Variants in BSPH1 observed in about 807,000 individuals in gnomAD.
BSPH1 encodes the protein binder of sperm protein homolog 1.
In BSPH1, 21 loss-of-function variants were observed where a neutral mutation model predicts 22.5. The ratio of observed to expected loss-of-function variants is 0.93; its 90% CI spans 0.66 to 1.35. The LOEUF is 1.35. Ranked by LOEUF, BSPH1 falls within the 40% of genes most tolerant of loss-of-function variation. The probability of loss-of-function intolerance (pLI) is 0.00; values close to 1 mark genes in which losing one functional copy is unlikely to be tolerated. For missense variants in BSPH1, 141 were observed against 154.2 expected, an observed-to-expected ratio of 0.91 and a Z score of 0.45; for synonymous variants, 42 against 53.6, an observed-to-expected ratio of 0.78 and a Z score of 0.95.
At chr19:47,970,014 TGTGAGAGA>T (rs1969297971) in intron 5 of BSPH1, among the ~76,000 whole-genome samples, 1 of 150,156 alleles carries the variant, frequency 6.7e-6, no homozygotes, top group Non-Finnish European at 1.5e-5. Context: ...TTTGTGTGTG[TGTGAGAGA>T]GAGAGAGAGA....
At position 47,969,003 on chromosome 19, in the gene BSPH1, T is replaced by TAAA. The variant is rs34349485; in HGVS notation, c.*3-797_*3-795dup. ...GACAGAGCGAGACCCTATCTCAGAT[T>TAAA]AAAAAAAAAAAAAAAAAAAGAAATC... is the stretch of plus-strand genomic sequence containing the variant. On this transcript the variant is annotated intron_variant, in intron 5 of 5. Coordinates refer to ENST00000344839, the MANE Select transcript of BSPH1 (RefSeq NM_001128326.2). Among the ~76,000 whole-genome samples, 269 of 127,716 alleles carry TAAA rather than the reference T, an allele frequency of 2.1e-3. 2 individuals are homozygous for TAAA. The highest frequency in any genetic ancestry group is 7.2e-3 in the African/African-American group (241 of 33,450). The allele number at this position is 127,716 out of a possible 152,430, so 83.8% of individuals were successfully genotyped here.
rs1600086904 is a variant in BSPH1 at position 47,977,307 on chromosome 19, T to G, written c.256+66A>C. ...CTATTTTCAGAACCCTCTTGTGTTT[T>G]GCCTCAGATCCCAGCCTCAGAGACC... On this transcript the variant is annotated intron_variant, in intron 4 of 5. Transcript: ENST00000344839. 7 of 1,250,204 alleles carry G rather than the reference T, an allele frequency of 5.6e-6. No individual in the cohort carries two copies. In the East Asian group the frequency reaches 7.7e-5, roughly 14 times the overall value. 77.4% of individuals were successfully genotyped at this position (1,250,204 alleles called of 1,614,324 possible).
At chr19:47,989,110 T>TTTTTA (rs565512241) in intron 1 of BSPH1, among the ~76,000 whole-genome samples, 4 of 138,426 alleles carry the variant, frequency 2.9e-5, no homozygotes, top group Non-Finnish European at 6.2e-5. Context: ...AAGTCACCGT[T>TTTTTA]TTATTATTAT....
intron 1 of BSPH1, among the ~76,000 whole-genome samples, chr19:47,991,317 A>G (rs1303880876): frequency 6.6e-6 from 1 of 151,904 alleles, no homozygotes; most frequent in Non-Finnish European, 1.5e-5. Flanking sequence ...AAGATTTTAT[A>G]GCCCCTGGAA....
chr19:47,988,113 C>T (rs1008621129), intron 1 of BSPH1, among the ~76,000 whole-genome samples: 1 of 152,068 alleles, frequency 6.6e-6, no homozygotes, highest in Admixed American at 6.5e-5. Context: ...GGACATTATG[C>T]TAAGTGAACC....
chr19:47,984,321 C>T (rs1304216144), intron 1 of BSPH1, among the ~76,000 whole-genome samples: 3 of 151,122 alleles, frequency 2.0e-5, no homozygotes, highest in Non-Finnish European at 4.4e-5. Context: ...ACAAAACTGG[C>T]TTTCTTTATG....
Position 47,990,441 on chromosome 19 carries a change from A to G in BSPH1, c.73+1568T>C, listed in dbSNP as rs7258971. On this transcript the variant is annotated intron_variant, in intron 1 of 5. Coordinates refer to ENST00000344839, the MANE Select transcript of BSPH1 (RefSeq NM_001128326.2). ...AATTTGCCTTTTTCCACTTATCTAT[A>G]TTCCTTTTTATGTATCTACAAACAT... Among the ~76,000 whole-genome samples, 697 of 152,212 alleles carry G rather than the reference A, an allele frequency of 4.6e-3. 4 individuals are homozygous for G. The highest frequency in any genetic ancestry group is 0.016 in the African/African-American group (657 of 41,540).
intron 1 of BSPH1, among the ~76,000 whole-genome samples, chr19:47,989,116 A>T (rs1453450463): frequency 4.2e-5 from 2 of 47,496 alleles, no homozygotes; most frequent in Non-Finnish European, 7.1e-5. Context: ...CCGTTTTATT[A>T]TTATTATTAT....
intron 1 of BSPH1, among the ~76,000 whole-genome samples, chr19:47,987,248 G>A (rs1490320244): frequency 6.6e-6 from 1 of 152,198 alleles, no homozygotes; most frequent in Admixed American, 6.5e-5. Flanking sequence ...AGTTTGTGGA[G>A]GCTAAAACAC....
intron 1 of BSPH1, among the ~76,000 whole-genome samples, chr19:47,989,990 G>A (rs552204009): frequency 5.3e-5 from 8 of 151,954 alleles, no homozygotes; most frequent in Admixed American, 1.3e-4. Context: ...ATGGTGGCAC[G>A]TGCCTTTAGT....
chr19:47,977,352 A>G (rs774572875), intron 4 of BSPH1, 21 bp downstream of exon 4: 203 of 1,544,114 alleles, frequency 1.3e-4, no homozygotes, highest in Non-Finnish European at 1.7e-4. Context: ...GCTCTGAGGT[A>G]TTTAGAGACA....
chr19:47,980,776 A>C (rs566357653), intron 2 of BSPH1, 145 bp downstream of exon 2: 1 of 532,828 alleles, frequency 1.9e-6, no homozygotes, highest in Non-Finnish European at 3.3e-6. Flanking sequence ...TTTAACATGA[A>C]ATTTACTTTA....
intron 5 of BSPH1, 128 bp downstream of exon 5, chr19:47,976,582 G>GAAAAAAAAAAAAAA: frequency 2.4e-6 from 1 of 413,272 alleles, no homozygotes; most frequent in Non-Finnish European, 3.9e-6. Flanking sequence ...TCACATCCCA[G>GAAAAAAAAAAAAAA]AAAAAAAAAA....
At chr19:47,982,081 G>T (rs938506629) in intron 1 of BSPH1, among the ~76,000 whole-genome samples, 2 of 152,094 alleles carry the variant, frequency 1.3e-5, no homozygotes, top group Admixed American at 1.3e-4. Flanking sequence ...TTCCCAAATA[G>T]CCCGTAATAG....
At chr19:47,969,749 TGA>T (rs1021233631) in intron 5 of BSPH1, among the ~76,000 whole-genome samples, 3 of 141,516 alleles carry the variant, frequency 2.1e-5, no homozygotes, top group African/African-American at 5.3e-5. Context: ...TGTGTGTGTG[TGA>T]GAGAGAGAGA....
At chr19:47,980,827 G>T in intron 2 of BSPH1, 94 bp downstream of exon 2, 1 of 679,304 alleles carries the variant, frequency 1.5e-6, no homozygotes, top group Non-Finnish European at 2.5e-6. Context: ...TGAAAAGTAT[G>T]ATTTCTTACC....
chr19:47,972,444 C>T lies in BSPH1; in HGVS notation c.*3-4235G>A, dbSNP rs538581260. ...TTTGTATCATCTCCCTCCTCCCACTCTCCACCATCCAGTGGGCCCTGGTGT... is the reference window on the plus strand; with the variant it reads ...TTTGTATCATCTCCCTCCTCCCACTTTCCACCATCCAGTGGGCCCTGGTGT... On this transcript the variant is annotated intron_variant, in intron 5 of 5. Coordinates refer to ENST00000344839, the MANE Select transcript of BSPH1 (RefSeq NM_001128326.2). Among the ~76,000 whole-genome samples, 4 of 152,262 alleles carry T rather than the reference C, an allele frequency of 2.6e-5. No individual in the cohort carries two copies. In the South Asian group the frequency reaches 8.3e-4, roughly 32 times the overall value.
chr19:47,977,334 A>G (rs1480285413), intron 4 of BSPH1, 39 bp downstream of exon 4: 1 of 1,500,900 alleles, frequency 6.7e-7, no homozygotes, highest in South Asian at 1.2e-5. Context: ...TCAGAGACCA[A>G]GATTACTGCT....
intron 3 of BSPH1, among the ~76,000 whole-genome samples, chr19:47,979,137 C>T: frequency 6.6e-6 from 1 of 151,944 alleles, no homozygotes; most frequent in East Asian, 1.9e-4. Flanking sequence ...TTCTCCTCCT[C>T]CTTCTTCTTC....
Sources: allele counts gnomAD v4.1 joint callset (sites outside exome capture counted in the v4.1 genomes callset), GRCh38; gene constraint gnomAD v4.1.1; transcripts MANE v1.5; gene names NCBI Gene and HGNC (gene_info 2026-07-23, HGNC 2026-07-21).